The following SI variants were observed in gnomAD, a reference collection of about 807,000 sequenced individuals.
The protein encoded by SI is sucrase-isomaltase, intestinal.
A neutral mutation model predicts 253.3 loss-of-function variants in SI; 235 were observed. The ratio of observed to expected loss-of-function variants is 0.93; its 90% CI spans 0.83 to 1.03. The LOEUF (loss-of-function observed/expected upper bound fraction) is 1.03. Ranked by LOEUF, SI falls within the 50% of genes least tolerant of loss-of-function variation. The probability of loss-of-function intolerance (pLI) is 0.00; values close to 1 mark genes in which losing one functional copy is unlikely to be tolerated. For missense variants in SI, 2,442 were observed against 2,211.1 expected (o/e 1.10, Z -2.09); for synonymous variants, 819 against 712.0 (o/e 1.15, Z -2.39).
intron 34 of SI, 84 bp downstream of exon 34, chr3:165,012,896 A>G (rs1040800382): frequency 5.7e-6 from 5 of 870,146 alleles, no homozygotes; most frequent in East Asian, 2.4e-5. Context: ...AAAGAAAAGC[A>G]TTCAAATTTA....
chr3:165,013,077 A>T (rs1279270255), intron 33 of SI, 35 bp from the exon 34 acceptor site: 6 of 1,347,144 alleles, frequency 4.5e-6, no homozygotes, highest in Non-Finnish European at 6.4e-6. Flanking sequence ...GCTGATCAAA[A>T]CATAGTCAGC....
intron 22 of SI, among the ~76,000 whole-genome samples, chr3:165,035,421 T>G (rs1354696655): frequency 6.6e-6 from 1 of 151,906 alleles, no homozygotes; most frequent in East Asian, 1.9e-4. Context: ...AATAATGCCA[T>G]AAATAAATGT....
In SI at chr3:165,016,042, C is replaced by T. The variant is rs762578467; in HGVS notation, c.3798G>A (p.Gln1266=). Residue 1266 remains glutamine, a synonymous_variant, in exon 32 of 48, where the codon CAG becomes CAA. Coordinates refer to ENST00000264382, the MANE Select transcript of SI (RefSeq NM_001041.4). ...QYTDIDYMER[Q]LDFTIGEAFQ... is the part of the protein sequence containing the mutation. ...ATGCTTCACCAATTGTAAAGTCTAG[C>T]TGCCTTTCCATGTAGTCAATGTCTG... The T allele has an allele frequency of 5.0e-6, 8 of 1,612,660 alleles. No individual in the cohort carries two copies. In the Admixed American group the frequency reaches 1.2e-4, roughly 24 times the overall value.
chr3:164,994,325 G>A lies in SI; in HGVS notation c.4773C>T (p.Pro1591=), dbSNP rs777440059. ...NILNIRYTLL[P]YFYTQMHEIH... ...TTTCATGCATTTGTGTGTAAAAATA[G>A]GGCAATAAGGTGTATCTAATATTTA... is the stretch of plus-strand genomic sequence containing the variant. The change falls in exon 41 of 48, where the codon CCC becomes CCT. Residue 1591 remains proline (P), a synonymous_variant. Coordinates refer to ENST00000264382, the MANE Select transcript of SI (RefSeq NM_001041.4). 10 of 1,610,982 alleles carry A rather than the reference G, an allele frequency of 6.2e-6. No individual in the cohort carries two copies. Among genetic ancestry groups the A allele is most frequent in the Admixed American group, 5.0e-5 (3 of 59,782 alleles).
intron 38 of SI, among the ~76,000 whole-genome samples, chr3:164,997,166 C>T (rs1229235851): frequency 6.6e-6 from 1 of 151,470 alleles, no homozygotes; most frequent in Non-Finnish European, 1.5e-5. Flanking sequence ...TTCAGTCTAT[C>T]ATTTGAAAAA....
intron 3 of SI, among the ~76,000 whole-genome samples, chr3:165,071,750 G>A (rs1714592856): frequency 6.6e-6 from 1 of 152,042 alleles, no homozygotes; most frequent in East Asian, 1.9e-4. Flanking sequence ...CTCTGTGCAC[G>A]AAGAGGAAAT....
chr3:164,986,674 A>C (rs77294834), intron 45 of SI, among the ~76,000 whole-genome samples: 1 of 152,102 alleles, frequency 6.6e-6, no homozygotes, highest in Non-Finnish European at 1.5e-5. Flanking sequence ...TGCTTTTCTC[A>C]TGTTAACGTG....
chr3:165,030,869 T>G lies in SI; in HGVS notation c.2737-2A>C. 6.6e-7 allele frequency: 1 copy of G among 1,518,160 alleles called. No homozygotes were observed. The highest frequency in any genetic ancestry group is 8.8e-7 in the Non-Finnish European group (1 of 1,140,230). 94.0% of individuals were successfully genotyped at this position (1,518,160 alleles called of 1,614,324 possible). A position where few individuals can be genotyped will look rare whatever the true frequency, so the allele number is the denominator to read the frequency against. ...TTTGAGATCTGCAATTAGGAGAACC[T>G]TTGAAGACAAAAAAAAAAAAAGAAA... On this transcript the variant is annotated splice_acceptor_variant, in intron 24 of 47. Coordinates refer to ENST00000264382, the MANE Select transcript of SI (RefSeq NM_001041.4). LOFTEE classifies it high-confidence loss of function.
At chr3:165,042,486 C>T (rs554064465) in intron 17 of SI, among the ~76,000 whole-genome samples, 1 of 152,192 alleles carries the variant, frequency 6.6e-6, no homozygotes, top group East Asian at 1.9e-4. Flanking sequence ...TGAGTTCCCA[C>T]GGCTGGTAGA....
the SI span, among the ~76,000 whole-genome samples, chr3:165,088,758 G>GT: frequency 0.07 from 10,488 of 149,008 alleles, 470 homozygotes; most frequent in Non-Finnish European, 0.094. Flanking sequence ...CATTTTAAAG[G>GT]TTTTTTTTTT....
At chr3:165,019,525 C>T in intron 28 of SI, 77 bp downstream of exon 28, 1 of 1,270,862 alleles carries the variant, frequency 7.9e-7, no homozygotes, top group Non-Finnish European at 1.2e-6. Flanking sequence ...TCCTAAAGCA[C>T]AGGCCCATAA....
chr3:165,050,117 T>C (rs1338115952), intron 13 of SI, among the ~76,000 whole-genome samples: 1 of 152,168 alleles, frequency 6.6e-6, no homozygotes, highest in East Asian at 1.9e-4. Flanking sequence ...GTTTTGATTA[T>C]ATATAATTAC....
At position 165,009,526 on chromosome 3, in the gene SI, A is replaced by G. The variant is rs1718674628; in HGVS notation, c.4063-131T>C. ...ATGAAGGAAATTGACATCAATCTTA[A>G]TTACATAAATGTGTGTGGTTTCTTC... On this transcript the variant is annotated intron_variant, in intron 34 of 47. Transcript: ENST00000264382. The G allele has an allele frequency of 4.5e-6, 3 of 668,408 alleles. 1 individual carries two copies. The highest frequency in any genetic ancestry group is 3.3e-5 in the South Asian group (2 of 60,120). The allele number at this position is 668,408 out of a possible 1,614,324, so 41.4% of individuals were successfully genotyped here. A position where few individuals can be genotyped will look rare whatever the true frequency, so the allele number is the denominator to read the frequency against.
chr3:165,006,534 A>G (rs939813719), intron 37 of SI, among the ~76,000 whole-genome samples: 10 of 152,178 alleles, frequency 6.6e-5, no homozygotes, highest in African/African-American at 2.4e-4. Flanking sequence ...AGCACCTACA[A>G]TTGGCCAGGC....
At position 165,041,154 on chromosome 3, in the gene SI, A is replaced by G. The variant is rs111484625; in HGVS notation, c.2005-60T>C. 459 of 1,492,312 alleles carry G rather than the reference A, an allele frequency of 3.1e-4. 2 individuals carry two copies. The African/African-American group carries it at 5.2e-3, about 17-fold the overall frequency. 92.4% of individuals were successfully genotyped at this position (1,492,312 alleles called of 1,614,324 possible). On this transcript the variant is annotated intron_variant, in intron 17 of 47. Transcript: ENST00000264382. ...CTAAAGTATGAGTGAAAATTAAAGT[A>G]GAAGCATTTTAATCTGCTTTTTAAA...
chr3:165,010,106 A>G (rs1399247880), intron 34 of SI, among the ~76,000 whole-genome samples: 1 of 152,214 alleles, frequency 6.6e-6, no homozygotes, highest in Admixed American at 6.5e-5. Context: ...ATCGGAGGAC[A>G]TACAGAAAAT....
rs768160662 is a variant in SI at position 165,067,511 on chromosome 3, G to T, written c.484-20C>A. ...AGTAATCTGGAAAGATTTAAGCAAG[G>T]TAGCATTACTGGATTCTAAACTATT... On this transcript the variant is annotated intron_variant, in intron 5 of 47. Transcript: ENST00000264382. 2 of 1,587,060 alleles carry T rather than the reference G, an allele frequency of 1.3e-6. No homozygotes were observed. The highest frequency in any genetic ancestry group is 1.7e-6 in the Non-Finnish European group (2 of 1,156,370).
chr3:165,017,538 A>T lies in SI; in HGVS notation c.3759+10T>A. ...CATATTTAACATTGTTTTAAAATTG[A>T]TATACATACATAGGGGATGTTAGCA... On this transcript the variant is annotated intron_variant, in intron 31 of 47. Coordinates refer to ENST00000264382, the MANE Select transcript of SI (RefSeq NM_001041.4). 3.7e-6 allele frequency: 6 copies of T among 1,609,302 alleles called. No individual in the cohort carries two copies. Among genetic ancestry groups the T allele is most frequent in the Non-Finnish European group, 4.3e-6 (5 of 1,176,190 alleles).
rs746476544 is a variant in SI, at chr3:165,068,728, C to G, written c.477G>C (p.Arg159=). ...TTQNQTPNRF[R]FKITDPNNRR... is the part of the protein sequence containing the mutation. The stretch of plus-strand genomic sequence containing the variant: ...GAAACCTTAAAAACCGAACCTTGAA[C>G]CGGAAACGATTGGGTGTCTGATTTT... Residue 159 remains arginine, a synonymous_variant, in exon 5 of 48, where the codon CGG becomes CGC. Coordinates refer to ENST00000264382, the MANE Select transcript of SI (RefSeq NM_001041.4). The G allele has an allele frequency of 1.1e-5, 17 of 1,611,854 alleles. No homozygotes were observed. In the Admixed American group the frequency reaches 1.7e-4, roughly 16 times the overall value.
Sources: allele counts gnomAD v4.1 joint callset (sites outside exome capture counted in the v4.1 genomes callset), GRCh38; gene constraint gnomAD v4.1.1; transcripts MANE v1.5; gene names NCBI Gene and HGNC (gene_info 2026-07-23, HGNC 2026-07-21).